Variants in GNA14 observed in about 807,000 individuals in gnomAD.
GNA14 encodes the protein guanine nucleotide-binding protein subunit alpha-14.
Under a neutral mutation model 42.0 loss-of-function variants are expected in GNA14, and 50 were observed. The observed-to-expected ratio is 1.19, with a 90% CI of 0.95 to 1.51. The LOEUF is 1.51. GNA14 is among the 40% of genes most tolerant of loss of function. The probability of loss-of-function intolerance (pLI) is 0.00; values close to 1 mark genes in which losing one functional copy is unlikely to be tolerated. For missense variants in GNA14, 473 were observed against 446.2 expected, an observed-to-expected ratio of 1.06 and a Z score of -0.54; for synonymous variants, 173 against 163.1, an observed-to-expected ratio of 1.06 and a Z score of -0.46.
intron 1 of GNA14, among the ~76,000 whole-genome samples, chr9:77,611,687 C>A (rs1443866940): frequency 1.3e-5 from 2 of 152,112 alleles, no homozygotes; most frequent in Non-Finnish European, 2.9e-5. Flanking sequence ...CACGTATGAT[C>A]ATCAGAGAAA....
intron 2 of GNA14, among the ~76,000 whole-genome samples, chr9:77,477,348 G>GA (rs555435348): frequency 1.8e-3 from 278 of 152,096 alleles, no homozygotes; most frequent in African/African-American, 6.4e-3. Context: ...TCATGTCTCA[G>GA]AAAAAGAAAA....
chr9:77,456,795 AAAT>A (rs554009794), intron 2 of GNA14, among the ~76,000 whole-genome samples: 145 of 152,288 alleles, frequency 9.5e-4, no homozygotes, highest in Non-Finnish European at 1.6e-3. Context: ...AGTTATTGGA[AAAT>A]ATTATAGTAA....
intron 2 of GNA14, among the ~76,000 whole-genome samples, chr9:77,471,335 A>C (rs1276187946): frequency 6.6e-6 from 1 of 152,156 alleles, no homozygotes; most frequent in Non-Finnish European, 1.5e-5. Flanking sequence ...TGGTCTTGCA[A>C]CAAATTAACA....
chr9:77,445,970 G>C (rs1192613852), intron 2 of GNA14, among the ~76,000 whole-genome samples: 2 of 152,266 alleles, frequency 1.3e-5, no homozygotes, highest in South Asian at 4.1e-4. Flanking sequence ...TTTTGTCTGT[G>C]CCTATCTTCA....
intron 1 of GNA14, among the ~76,000 whole-genome samples, chr9:77,643,822 A>G (rs1824308320): frequency 6.6e-6 from 1 of 152,216 alleles, no homozygotes; most frequent in Non-Finnish European, 1.5e-5. Context: ...ACAGTTGGTC[A>G]ACTAAAATGG....
intron 1 of GNA14, among the ~76,000 whole-genome samples, chr9:77,646,496 G>A (rs1007667746): frequency 1.3e-5 from 2 of 152,128 alleles, no homozygotes; most frequent in African/African-American, 4.8e-5. Flanking sequence ...ATAAGGATAA[G>A]GGGGTTCTTC....
chr9:77,479,893 T>C (rs1466941913), intron 2 of GNA14, among the ~76,000 whole-genome samples: 1 of 151,846 alleles, frequency 6.6e-6, no homozygotes, highest in Non-Finnish European at 1.5e-5. Flanking sequence ...TTTTTGTACA[T>C]TGATTTTGTA....
intron 1 of GNA14, among the ~76,000 whole-genome samples, chr9:77,625,616 T>A (rs1237280639): frequency 6.6e-6 from 1 of 152,152 alleles, no homozygotes; most frequent in Non-Finnish European, 1.5e-5. Context: ...CAACCCAGAA[T>A]TTCATATCCA....
chr9:77,523,693 G>T (rs1030185155), intron 2 of GNA14, among the ~76,000 whole-genome samples: 1 of 152,150 alleles, frequency 6.6e-6, no homozygotes, highest in African/African-American at 2.4e-5. Flanking sequence ...GTGTAGTTTG[G>T]CGCTCCTCTA....
At chr9:77,534,354 A>T (rs895812590) in intron 1 of GNA14, among the ~76,000 whole-genome samples, 2 of 152,210 alleles carry the variant, frequency 1.3e-5, no homozygotes, top group African/African-American at 4.8e-5. Flanking sequence ...AAACTCATAT[A>T]AGTACAAAAG....
rs564601928 is a variant in GNA14, at chr9:77,434,461, T to C, written c.371A>G (p.Gln124Arg). Residue 124 changes from glutamine to arginine, a missense_variant, in exon 3 of 7, where the codon CAG (glutamine) becomes CGG (arginine). By Grantham distance (43) the Gln-to-Arg change is conservative. Transcript: ENST00000341700. Reference sequence around the variant, plus strand: ...CCAGAGCTGCTTGATGGCCTCCACCTGCTCCCTGGAGAGCATGGAGACCTT... The same window carrying C: ...CCAGAGCTGCTTGATGGCCTCCACCCGCTCCCTGGAGAGCATGGAGACCTT... ...VDKVSMLSRE[Q>R]VEAIKQLWQD... The C allele has an allele frequency of 6.2e-7, 1 of 1,613,228 alleles. No homozygotes were observed. The highest frequency in any genetic ancestry group is 1.7e-5 in the Admixed American group (1 of 60,024).
chr9:77,627,971 A>G (rs967335990), intron 1 of GNA14, among the ~76,000 whole-genome samples: 2 of 152,230 alleles, frequency 1.3e-5, no homozygotes, highest in Non-Finnish European at 2.9e-5. Context: ...TGCAGATGAC[A>G]TGATTTTATA....
In GNA14 at chr9:77,647,818, G is replaced by C; in HGVS notation, c.-25C>G. ...TGGTGCGCTCAGCTCAGTACCCGAC[G>C]GGGCGACGCGGCCCCGGGCACCCGA... On this transcript the variant is annotated 5_prime_UTR_variant, in exon 1 of 7. Coordinates refer to ENST00000341700, the MANE Select transcript of GNA14 (RefSeq NM_004297.4). The C allele has an allele frequency of 6.3e-7, 1 of 1,598,250 alleles. No homozygotes were observed. Among genetic ancestry groups the C allele is most frequent in the Non-Finnish European group, 8.5e-7 (1 of 1,175,436 alleles).
chr9:77,472,241 T>A (rs1011472918), intron 2 of GNA14, among the ~76,000 whole-genome samples: 3 of 152,174 alleles, frequency 2.0e-5, no homozygotes, highest in African/African-American at 7.2e-5. Context: ...AGCACTTTCT[T>A]TGCTAAGATG....
intron 2 of GNA14, among the ~76,000 whole-genome samples, chr9:77,472,022 T>G (rs1836339835): frequency 6.6e-6 from 1 of 152,206 alleles, no homozygotes; most frequent in South Asian, 2.1e-4. Flanking sequence ...TACAGGCTAA[T>G]TCTCTTGGAG....
intron 1 of GNA14, among the ~76,000 whole-genome samples, chr9:77,574,708 A>ATATTATATACT (rs1239194125): frequency 6.6e-6 from 1 of 152,210 alleles, no homozygotes; most frequent in African/African-American, 2.4e-5. Flanking sequence ...GAATCTCAGT[A>ATATTATATACT]GCTTAATATA....
chr9:77,579,844 T>C (rs1156677157), intron 1 of GNA14, among the ~76,000 whole-genome samples: 2 of 152,232 alleles, frequency 1.3e-5, no homozygotes, highest in Non-Finnish European at 1.5e-5. Flanking sequence ...GTGATGCCCC[T>C]TCCTTGCCAC....
intron 2 of GNA14, among the ~76,000 whole-genome samples, chr9:77,466,702 G>A (rs181516639): frequency 1.3e-4 from 20 of 152,220 alleles, no homozygotes; most frequent in Admixed American, 2.6e-4. Context: ...TTTCTTTTGA[G>A]AGCTGGACAC....
intron 2 of GNA14, among the ~76,000 whole-genome samples, chr9:77,522,731 G>A (rs1052585696): frequency 6.6e-6 from 1 of 152,138 alleles, no homozygotes; most frequent in Non-Finnish European, 1.5e-5. Context: ...GAGCCTGTGG[G>A]GGTGATACTC....
Sources: gnomAD v4.1 joint callset for allele counts (sites outside exome capture counted in the v4.1 genomes callset) on GRCh38, gnomAD v4.1.1 for gene constraint, MANE v1.5 for transcripts, NCBI Gene and HGNC (gene_info 2026-07-23, HGNC 2026-07-21) for gene names.